SHROOM3: variants seen among roughly 807,000 people sequenced by gnomAD.
SHROOM3 encodes protein Shroom3.
In SHROOM3, 47 loss-of-function variants were observed where a neutral mutation model predicts 138.6. The observed-to-expected ratio is 0.34, with a 90% CI of 0.27 to 0.43. The LOEUF (loss-of-function observed/expected upper bound fraction) is 0.43. Ranked by LOEUF, SHROOM3 falls within the 20% of genes least tolerant of loss-of-function variation. The pLI, the probability that SHROOM3 is intolerant of heterozygous loss-of-function variation, is 1.00. For missense variants in SHROOM3, 2,491 were observed against 2,596.5 expected (o/e 0.96, Z 0.88); for synonymous variants, 1,062 against 1,063.3 (o/e 1.00, Z 0.02).
intron 1 of SHROOM3, among the ~76,000 whole-genome samples, chr4:76,451,386 A>G (rs1459867908): frequency 2.0e-5 from 3 of 152,218 alleles, no homozygotes; most frequent in African/African-American, 7.2e-5. Context: ...ACTGCAAAAA[A>G]TTTGTGCAGA....
chr4:76,472,538 AAT>A (rs1400707330), intron 1 of SHROOM3, among the ~76,000 whole-genome samples: 2 of 152,292 alleles, frequency 1.3e-5, no homozygotes, highest in East Asian at 3.9e-4. Flanking sequence ...GCAGTTCTAT[AAT>A]AATAAAGTTA....
chr4:76,617,324 A>G (rs538919198), intron 2 of SHROOM3, among the ~76,000 whole-genome samples: 127 of 152,218 alleles, frequency 8.3e-4, no homozygotes, highest in Non-Finnish European at 1.5e-3. Flanking sequence ...TATAAGGCAG[A>G]ATGAAAGGCT....
At chr4:76,692,091 C>CG in intron 2 of SHROOM3, among the ~76,000 whole-genome samples, 1 of 152,346 alleles carries the variant, frequency 6.6e-6, no homozygotes, top group East Asian at 1.9e-4. Flanking sequence ...TGCAGGATCA[C>CG]TGAGAGGGGT....
At chr4:76,628,352 C>T (rs1425832346) in intron 2 of SHROOM3, among the ~76,000 whole-genome samples, 3 of 152,078 alleles carry the variant, frequency 2.0e-5, no homozygotes, top group Non-Finnish European at 2.9e-5. Flanking sequence ...TCAAAGAGAG[C>T]AAGGTGTATC....
At chr4:76,613,606 T>C (rs1734809259) in intron 2 of SHROOM3, among the ~76,000 whole-genome samples, 1 of 152,234 alleles carries the variant, frequency 6.6e-6, no homozygotes, top group African/African-American at 2.4e-5. Context: ...AAAACTCAGA[T>C]AGGGCTTCGA....
intron 2 of SHROOM3, among the ~76,000 whole-genome samples, chr4:76,598,149 A>C (rs376330155): frequency 3.3e-5 from 5 of 150,972 alleles, no homozygotes; most frequent in African/African-American, 7.3e-5. Context: ...GCCTTAGCCT[A>C]CCGAGTAGCT....
chr4:76,553,400 C>T (rs1487219310), intron 1 of SHROOM3, among the ~76,000 whole-genome samples: 2 of 152,158 alleles, frequency 1.3e-5, no homozygotes, highest in Admixed American at 6.5e-5. Context: ...CTCAGCTTCC[C>T]GAGTAGCTGG....
intron 2 of SHROOM3, among the ~76,000 whole-genome samples, chr4:76,709,168 C>T (rs1209417910): frequency 6.6e-6 from 1 of 152,248 alleles, no homozygotes; most frequent in East Asian, 1.9e-4. Context: ...GGGGCTTATT[C>T]TTAACAGCTG....
Position 76,627,867 on chromosome 4 carries a change from G to A in SHROOM3, c.323+72104G>A, listed in dbSNP as rs181984678. Among the ~76,000 whole-genome samples, 7 of 152,172 alleles carry A rather than the reference G, an allele frequency of 4.6e-5. No individual in the cohort carries two copies. The East Asian group carries it at 7.7e-4, about 17-fold the overall frequency. On this transcript the variant is annotated intron_variant, in intron 2 of 10. Coordinates refer to ENST00000296043, the MANE Select transcript of SHROOM3 (RefSeq NM_020859.4). ...AGTCTTACTACTAACTTTTATTCAC[G>A]AAGGTAATTCAAAAGATAGGGCATT...
intron 1 of SHROOM3, among the ~76,000 whole-genome samples, chr4:76,490,987 G>A (rs13146355): frequency 0.33 from 50,267 of 152,054 alleles, 9,750 homozygotes; most frequent in Non-Finnish European, 0.45. Flanking sequence ...TGGGGTTAAC[G>A]GGGGAATTCT....
At chr4:76,748,748 G>C (rs559291971) in intron 5 of SHROOM3, among the ~76,000 whole-genome samples, 1 of 147,912 alleles carries the variant, frequency 6.8e-6, no homozygotes, top group South Asian at 2.2e-4. Flanking sequence ...ACTTCTCTTA[G>C]TTAGGAAACA....
At chr4:76,738,693 G>T in intron 4 of SHROOM3, 68 bp from the exon 5 acceptor site, 2 of 1,565,946 alleles carry the variant, frequency 1.3e-6, no homozygotes, top group South Asian at 1.1e-5. Flanking sequence ...TATAAGCTGG[G>T]TCCTCTGCCT....
At chr4:76,452,251 A>G (rs1730940673) in intron 1 of SHROOM3, among the ~76,000 whole-genome samples, 2 of 152,242 alleles carry the variant, frequency 1.3e-5, no homozygotes, top group South Asian at 4.1e-4. Context: ...CATTTTAGCC[A>G]TTTTTAAGTA....
chr4:76,498,783 G>A (rs1732022719), intron 1 of SHROOM3, among the ~76,000 whole-genome samples: 3 of 152,090 alleles, frequency 2.0e-5, no homozygotes, highest in Non-Finnish European at 2.9e-5. Context: ...GTTCAATAAT[G>A]TCTGGCTCTT....
chr4:76,550,636 A>C (rs1733331479), intron 1 of SHROOM3, among the ~76,000 whole-genome samples: 1 of 152,194 alleles, frequency 6.6e-6, no homozygotes, highest in South Asian at 2.1e-4. Flanking sequence ...GACAGTATGG[A>C]GAGATGTGAG....
intron 1 of SHROOM3, among the ~76,000 whole-genome samples, chr4:76,519,248 A>G (rs1228126045): frequency 6.6e-6 from 1 of 152,168 alleles, no homozygotes; most frequent in East Asian, 1.9e-4. Flanking sequence ...AGGGTGCTGG[A>G]TAAACAAAGT....
intron 2 of SHROOM3, among the ~76,000 whole-genome samples, chr4:76,643,464 A>G (rs1001569676): frequency 1.3e-5 from 2 of 152,160 alleles, no homozygotes; most frequent in Non-Finnish European, 2.9e-5. Flanking sequence ...AGGCCCAAAT[A>G]TTAACCACAA....
At chr4:76,611,881 C>T (rs556954048) in intron 2 of SHROOM3, among the ~76,000 whole-genome samples, 46 of 152,280 alleles carry the variant, frequency 3.0e-4, no homozygotes, top group African/African-American at 9.6e-4. Flanking sequence ...ACCCAGTGTC[C>T]GGATCATCAG....
intron 6 of SHROOM3, among the ~76,000 whole-genome samples, chr4:76,752,796 T>A (rs984213353): frequency 1.3e-5 from 2 of 152,232 alleles, no homozygotes; most frequent in South Asian, 2.1e-4. Context: ...TCTATTGGGC[T>A]GGATCTTTAA....
Sources: allele counts gnomAD v4.1 joint callset (sites outside exome capture counted in the v4.1 genomes callset), GRCh38; gene constraint gnomAD v4.1.1; transcripts MANE v1.5; gene names NCBI Gene and HGNC (gene_info 2026-07-23, HGNC 2026-07-21).